MAST2: variants seen among roughly 807,000 people sequenced by gnomAD.
MAST2 encodes microtubule-associated serine/threonine-protein kinase 2.
A neutral mutation model predicts 147.4 loss-of-function variants in MAST2; 70 were observed. That is an observed-to-expected ratio of 0.47 (90% CI 0.39 to 0.58). The LOEUF is 0.58. Ranked by LOEUF, MAST2 falls within the 20% of genes least tolerant of loss-of-function variation. MAST2 has a pLI of 0.00. For missense variants in MAST2, 2,080 were observed against 2,302.3 expected, an observed-to-expected ratio of 0.90 and a Z score of 1.98; for synonymous variants, 869 against 896.8, an observed-to-expected ratio of 0.97 and a Z score of 0.55.
intron 1 of MAST2, among the ~76,000 whole-genome samples, chr1:45,818,326 A>T (rs535303716): frequency 2.6e-5 from 4 of 152,114 alleles, no homozygotes; most frequent in African/African-American, 9.7e-5. Context: ...CCTTTATTTG[A>T]TGCAAGTTTG....
Position 46,023,556 on chromosome 1 carries a change from T to C in MAST2, c.1572-216T>C. ...CACGCATCCTCCATTCCCTGAGCTC[T>C]GGGGAAGCATTGAGCCGTGTCATCA... is the stretch of plus-strand genomic sequence containing the variant. On this transcript the variant is annotated intron_variant, in intron 14 of 28. Transcript: ENST00000361297. This position sits in a 1 kb window ranked among gnomAD's most constrained non-coding sequence, Gnocchi z 4.9. The C allele has an allele frequency of 1.6e-6, 1 of 620,036 alleles. No individual in the cohort carries two copies. Among genetic ancestry groups the C allele is most frequent in the Non-Finnish European group, 2.9e-6 (1 of 350,194 alleles). 38.4% of individuals were successfully genotyped at this position (620,036 alleles called of 1,614,324 possible).
At chr1:45,903,225 G>A (rs1244193206) in intron 4 of MAST2, among the ~76,000 whole-genome samples, 2 of 134,252 alleles carry the variant, frequency 1.5e-5, no homozygotes, top group Non-Finnish European at 3.1e-5. Flanking sequence ...TGCCTCCCAG[G>A]CTCAAGCAAT....
intron 4 of MAST2, among the ~76,000 whole-genome samples, chr1:45,946,778 A>G (rs966888389): frequency 6.6e-6 from 1 of 152,140 alleles, no homozygotes; most frequent in Non-Finnish European, 1.5e-5. Context: ...GTCCTGATAT[A>G]GGGTTGATAG....
At chr1:45,859,580 G>GAGCT in intron 3 of MAST2, among the ~76,000 whole-genome samples, 1 of 152,310 alleles carries the variant, frequency 6.6e-6, no homozygotes, top group South Asian at 2.1e-4. Flanking sequence ...AAATCAAGAT[G>GAGCT]AGCTGATCAG....
At chr1:45,880,271 C>G (rs998852711) in intron 3 of MAST2, among the ~76,000 whole-genome samples, 6 of 152,180 alleles carry the variant, frequency 3.9e-5, no homozygotes, top group African/African-American at 1.4e-4. Context: ...CTCACAAATA[C>G]TATGCTGAGT....
intron 5 of MAST2, among the ~76,000 whole-genome samples, chr1:45,993,433 C>G (rs1452616529): frequency 6.6e-6 from 1 of 151,992 alleles, no homozygotes; most frequent in African/African-American, 2.4e-5. Flanking sequence ...CCTATAATCC[C>G]AGCACTTTGG....
intron 1 of MAST2, among the ~76,000 whole-genome samples, chr1:45,812,425 C>CTT (rs35095652): frequency 1.7e-4 from 21 of 121,658 alleles, no homozygotes; most frequent in East Asian, 1.7e-3. Flanking sequence ...ATCTGTAAGC[C>CTT]TTTTTTTTTT....
intron 5 of MAST2, among the ~76,000 whole-genome samples, chr1:45,989,024 G>T (rs1203146623): frequency 6.6e-6 from 1 of 152,146 alleles, no homozygotes; most frequent in Non-Finnish European, 1.5e-5. Flanking sequence ...TTCTACTGGG[G>T]TGTCCTTTTT....
chr1:45,964,398 G>C (rs1014572569), intron 5 of MAST2, among the ~76,000 whole-genome samples: 1 of 152,170 alleles, frequency 6.6e-6, no homozygotes, highest in Non-Finnish European at 1.5e-5. Flanking sequence ...TTCAGAGCCT[G>C]TCATTGGTCT....
chr1:45,816,867 C>T (rs531795979), intron 1 of MAST2, among the ~76,000 whole-genome samples: 16 of 152,012 alleles, frequency 1.1e-4, no homozygotes, highest in African/African-American at 2.9e-4. Flanking sequence ...TTAGTAGAGA[C>T]GGGGTTTCAC....
intron 15 of MAST2, 129 bp downstream of exon 15, chr1:46,024,109 G>C: frequency 1.1e-6 from 1 of 874,540 alleles, no homozygotes; most frequent in Non-Finnish European, 1.8e-6. Context: ...CTTTGGCATT[G>C]GTTTCTGCCT....
intron 5 of MAST2, among the ~76,000 whole-genome samples, chr1:45,970,667 C>CAAAAAAAAAAAA (rs754544108): frequency 4.1e-5 from 3 of 72,430 alleles, no homozygotes; most frequent in African/African-American, 5.9e-5. Context: ...GACTCTGTCT[C>CAAAAAAAAAAAA]AAAAAAAAAA....
chr1:45,886,382 G>A (rs184871527), intron 4 of MAST2, among the ~76,000 whole-genome samples: 2 of 151,226 alleles, frequency 1.3e-5, no homozygotes, highest in East Asian at 3.9e-4. Flanking sequence ...AGGGAAGAGA[G>A]CTGTTACATT....
intron 4 of MAST2, among the ~76,000 whole-genome samples, chr1:45,925,348 T>A (rs10890372): frequency 1.8e-4 from 28 of 152,042 alleles, no homozygotes; most frequent in South Asian, 1.0e-3. Flanking sequence ...ATGATGAACC[T>A]TAAGAGGCAT....
intron 5 of MAST2, among the ~76,000 whole-genome samples, chr1:45,970,247 A>C (rs115058617): frequency 6.6e-6 from 1 of 152,052 alleles, no homozygotes. Flanking sequence ...GAGCCCCCCC[A>C]TGACTAGATC....
At chr1:46,015,880 A>C (rs904475948) in intron 10 of MAST2, among the ~76,000 whole-genome samples, 1 of 152,220 alleles carries the variant, frequency 6.6e-6, no homozygotes, top group African/African-American at 2.4e-5. Context: ...TAAAAAAGAG[A>C]ATTTTAGACC....
At chr1:46,029,219 C>T in intron 18 of MAST2, 2 of 548,750 alleles carry the variant, frequency 3.6e-6, no homozygotes, top group South Asian at 2.9e-5. Context: ...AGGGGTACGT[C>T]TGTGTATGTT....
chr1:45,901,251 A>C lies in MAST2; in HGVS notation c.500+18856A>C, dbSNP rs367906770. 5.9e-5 allele frequency among the ~76,000 whole-genome samples: 9 copies of C among 152,166 alleles called. No individual in the cohort carries two copies. In the East Asian group the frequency reaches 1.7e-3, roughly 29 times the overall value. The stretch of plus-strand genomic sequence containing the variant: ...CAATTTTCCCAGCACCATTCATTGA[A>C]TGGAGTGTCCTTTCCCCATTGATTA... On this transcript the variant is annotated intron_variant, in intron 4 of 28. Transcript: ENST00000361297.
At chr1:45,972,624 A>G (rs1041710499) in intron 5 of MAST2, among the ~76,000 whole-genome samples, 17 of 152,052 alleles carry the variant, frequency 1.1e-4, no homozygotes, top group South Asian at 6.2e-4. Flanking sequence ...GGCTAATTTC[A>G]TTATCCCTTA....
Sources: gnomAD v4.1 joint callset for allele counts (sites outside exome capture counted in the v4.1 genomes callset) on GRCh38, gnomAD v4.1.1 for gene constraint, Gnocchi (gnomAD v3.1) non-coding constraint, MANE v1.5 for transcripts, NCBI Gene and HGNC (gene_info 2026-07-23, HGNC 2026-07-21) for gene names.